The following BCAS3 variants were observed in gnomAD, a reference collection of about 807,000 sequenced individuals.
The protein encoded by BCAS3 is BCAS4/BCAS3 fusion.
A neutral mutation model predicts 116.1 loss-of-function variants in BCAS3; 53 were observed. The observed-to-expected ratio is 0.46, with a 90% CI of 0.37 to 0.57. The LOEUF (loss-of-function observed/expected upper bound fraction) is 0.57. Ranked by LOEUF, BCAS3 falls within the 20% of genes least tolerant of loss-of-function variation. BCAS3 has a pLI of 0.00. For missense variants in BCAS3, 917 were observed against 1,165.4 expected, an observed-to-expected ratio of 0.79 and a Z score of 3.10; for synonymous variants, 391 against 408.2, an observed-to-expected ratio of 0.96 and a Z score of 0.51.
rs2070291055 is a variant in BCAS3, at chr17:61,063,526, C to G, written c.2030-11394C>G. ...CTCGTGATCCGCCACCTCGGCCTCC[C>G]AAAGTGCTGGGATTACAGGCATGAG... On this transcript the variant is annotated intron_variant, in intron 19 of 23. Transcript: ENST00000407086. This position sits in a 1 kb window ranked among gnomAD's most constrained non-coding sequence, Gnocchi z 5.3. Among the ~76,000 whole-genome samples the G allele has an allele frequency of 6.6e-6, 1 of 152,148 alleles. No homozygotes were observed. The highest frequency in any genetic ancestry group is 1.5e-5 in the Non-Finnish European group (1 of 68,030).
At chr17:60,805,905 A>C (rs994527331) in intron 6 of BCAS3, among the ~76,000 whole-genome samples, 2 of 136,844 alleles carry the variant, frequency 1.5e-5, no homozygotes, top group African/African-American at 5.7e-5. Context: ...GTCCCTCAGG[A>C]TGGAGTGCTG....
chr17:61,154,077 C>A (rs909854378), intron 22 of BCAS3, among the ~76,000 whole-genome samples: 1 of 152,196 alleles, frequency 6.6e-6, no homozygotes. Context: ...TTCATCCCCC[C>A]ACTGCCACTT....
At chr17:61,167,864 G>C (rs1273100717) in intron 22 of BCAS3, among the ~76,000 whole-genome samples, 1 of 152,130 alleles carries the variant, frequency 6.6e-6, no homozygotes, top group African/African-American at 2.4e-5. Flanking sequence ...ATGATTCGTA[G>C]CTATTTTCTT....
At chr17:60,856,637 G>A (rs2053696613) in intron 7 of BCAS3, among the ~76,000 whole-genome samples, 1 of 151,994 alleles carries the variant, frequency 6.6e-6, no homozygotes, top group African/African-American at 2.4e-5. Context: ...GTAGCAGTGA[G>A]CCAAGATCCA....
chr17:61,278,584 C>G lies in BCAS3; in HGVS notation c.2426-89743C>G, dbSNP rs2050975807. On this transcript the variant is annotated intron_variant, in intron 22 of 23. Transcript: ENST00000407086. The surrounding 1 kb of genome is among the most constrained non-coding windows in gnomAD (Gnocchi z 5.8). ...CACTATAGCCCAAAGATGCCAGCAC[C>G]CTAAGTATTCCAACACATTCATGGA... Among the ~76,000 whole-genome samples, 2 of 152,148 alleles carry G rather than the reference C, an allele frequency of 1.3e-5. No individual in the cohort carries two copies. Among genetic ancestry groups the G allele is most frequent in the African/African-American group, 4.8e-5 (2 of 41,420 alleles).
chr17:61,052,416 A>G (rs534937095), intron 19 of BCAS3, among the ~76,000 whole-genome samples: 1 of 152,132 alleles, frequency 6.6e-6, no homozygotes, highest in East Asian at 1.9e-4. Flanking sequence ...TTCCTTATCT[A>G]CATGTTTGAC....
intron 12 of BCAS3, among the ~76,000 whole-genome samples, chr17:60,914,652 TAGAC>T (rs1380828706): frequency 1.3e-5 from 2 of 152,192 alleles, no homozygotes; most frequent in East Asian, 3.8e-4. Context: ...TACCAGCCCT[TAGAC>T]AGCAAGACCA....
rs138528445 is a variant in BCAS3 at position 61,041,493 on chromosome 17, C to T, written c.2029+601C>T. On this transcript the variant is annotated intron_variant, in intron 19 of 23. Transcript: ENST00000407086. This position sits in a 1 kb window ranked among gnomAD's most constrained non-coding sequence, Gnocchi z 4.7. ...AATTTAGTATTTATTATCCAGTTTG[C>T]GTTTATAGAATTAAAAATTATTTAC... is the stretch of plus-strand genomic sequence containing the variant. Among the ~76,000 whole-genome samples the T allele has an allele frequency of 2.7e-5, 4 of 150,076 alleles. No individual in the cohort carries two copies. In the East Asian group the frequency reaches 7.7e-4, roughly 29 times the overall value.
intron 7 of BCAS3, among the ~76,000 whole-genome samples, chr17:60,830,360 G>A (rs7220018): frequency 0.091 from 13,914 of 152,148 alleles, 2,132 homozygotes; most frequent in African/African-American, 0.32. Context: ...AAAACGTGAT[G>A]GTTGCACAAG....
In BCAS3 at chr17:60,677,909, CG is replaced by C. The variant is rs1357145481; in HGVS notation, c.-9del. The C allele has an allele frequency of 6.5e-6, 1 of 153,466 alleles. No individual in the cohort carries two copies. Among genetic ancestry groups the C allele is most frequent in the Non-Finnish European group, 1.5e-5 (1 of 68,684 alleles). 9.5% of individuals were successfully genotyped at this position (153,466 alleles called of 1,614,324 possible). A position where few individuals can be genotyped will look rare whatever the true frequency, so the allele number is the denominator to read the frequency against. ...TGGAGACTAGCGTTAACCGGCGGGG[CG>C]GCCGGTGAGAGGGCTGGCAGGGCTT... On this transcript the variant is annotated 5_prime_UTR_variant, in exon 1 of 24. Coordinates refer to ENST00000407086, the MANE Select transcript of BCAS3 (RefSeq NM_017679.5).
chr17:60,689,555 T>C, intron 3 of BCAS3, 131 bp from the exon 4 acceptor site: 1 of 539,140 alleles, frequency 1.9e-6, no homozygotes. Context: ...TCTAAAATAT[T>C]CTAGTTACCA....
chr17:60,712,988 A>G (rs1290222883), intron 5 of BCAS3, among the ~76,000 whole-genome samples: 1 of 152,124 alleles, frequency 6.6e-6, no homozygotes, highest in Non-Finnish European at 1.5e-5. Flanking sequence ...GTGTGGTGTC[A>G]TTTCTCGGTT....
At chr17:61,003,794 AT>A (rs1462894091) in intron 15 of BCAS3, 4 of 151,998 alleles carry the variant, frequency 2.6e-5, no homozygotes, top group Non-Finnish European at 5.9e-5. Flanking sequence ...ATTCATTTTT[AT>A]TCAGCTAATC....
At position 60,979,092 on chromosome 17, in the gene BCAS3, G is replaced by A. The variant is rs576323601; in HGVS notation, c.1222-10879G>A. Among the ~76,000 whole-genome samples, 1,457 of 147,002 alleles carry A rather than the reference G, an allele frequency of 9.9e-3. 32 individuals carry two copies. Among genetic ancestry groups the A allele is most frequent in the African/African-American group, 0.035 (1,400 of 39,960 alleles). ...GCATTGAATCTGTAAATTACCTTGG[G>A]CAGTATGGCCATTTTCACGATATTG... On this transcript the variant is annotated intron_variant, in intron 14 of 23. Transcript: ENST00000407086.
chr17:60,706,803 C>CTT (rs546689684), intron 4 of BCAS3, among the ~76,000 whole-genome samples: 10 of 122,228 alleles, frequency 8.2e-5, no homozygotes, highest in East Asian at 2.3e-4. Flanking sequence ...TTACACTATA[C>CTT]TTTTTTTTTT....
Position 61,211,045 on chromosome 17 carries a change from T to A in BCAS3, c.2425+126481T>A, listed in dbSNP as rs8070692. Reference sequence around the variant, plus strand: ...TAGGGTCCCATAGTCTTCCCCAAGCTAGGGTCCCAGCGCTGGGTGGGGGAC... The same window carrying A: ...TAGGGTCCCATAGTCTTCCCCAAGCAAGGGTCCCAGCGCTGGGTGGGGGAC... On this transcript the variant is annotated intron_variant, in intron 22 of 23. Transcript: ENST00000407086. This position sits in a 1 kb window ranked among gnomAD's most constrained non-coding sequence, Gnocchi z 4.4. Among the ~76,000 whole-genome samples, 273 of 151,652 alleles carry A rather than the reference T, an allele frequency of 1.8e-3. No homozygotes were observed. Among genetic ancestry groups the A allele is most frequent in the Non-Finnish European group, 3.2e-3 (216 of 67,882 alleles).
rs2074659002 is a variant in BCAS3, at chr17:61,106,477, T to C, written c.2425+21913T>C. On this transcript the variant is annotated intron_variant, in intron 22 of 23. Coordinates refer to ENST00000407086, the MANE Select transcript of BCAS3 (RefSeq NM_017679.5). This position sits in a 1 kb window ranked among gnomAD's most constrained non-coding sequence, Gnocchi z 4.2. ...TATAGCTTAGGTGTGTTGTAGGCTA[T>C]TCTATCTAGGTTTGTACAAGCATAC... Among the ~76,000 whole-genome samples the C allele has an allele frequency of 6.6e-6, 1 of 152,358 alleles. No homozygotes were observed. Among genetic ancestry groups the C allele is most frequent in the East Asian group, 1.9e-4 (1 of 5,186 alleles).
At chr17:60,691,373 C>T (rs1003654281) in intron 4 of BCAS3, among the ~76,000 whole-genome samples, 1 of 152,138 alleles carries the variant, frequency 6.6e-6, no homozygotes, top group Non-Finnish European at 1.5e-5. Flanking sequence ...AGGGTCCCAA[C>T]TTCTCCACAC....
chr17:60,941,677 T>G (rs1406862773), intron 13 of BCAS3, among the ~76,000 whole-genome samples: 1 of 152,174 alleles, frequency 6.6e-6, no homozygotes, highest in Non-Finnish European at 1.5e-5. Context: ...AGGCATAATT[T>G]TTTAGTGGAC....
Sources: allele counts gnomAD v4.1 joint callset (sites outside exome capture counted in the v4.1 genomes callset), GRCh38; gene constraint gnomAD v4.1.1; non-coding constraint Gnocchi (gnomAD v3.1); transcripts MANE v1.5; gene names NCBI Gene and HGNC (gene_info 2026-07-23, HGNC 2026-07-21).